WDFY4: variants seen among roughly 807,000 people sequenced by gnomAD.
The protein encoded by WDFY4 is WD repeat- and FYVE domain-containing protein 4.
WDFY4 carries 169 observed loss-of-function variants against 351.9 expected under a neutral mutation model. The observed-to-expected ratio is 0.48, with a 90% confidence interval of 0.42 to 0.55. The LOEUF is 0.55. WDFY4 is among the 20% of genes least tolerant of loss of function. The pLI, the probability that WDFY4 is intolerant of heterozygous loss-of-function variation, is 0.00. For synonymous variants in WDFY4, 1,622 were observed against 1,574.6 expected (o/e 1.03, Z -0.71); for missense variants, 3,803 against 3,935.6 (o/e 0.97, Z 0.90).
intron 39 of WDFY4, among the ~76,000 whole-genome samples, chr10:48,845,826 A>C (rs1589740387): frequency 1.6e-5 from 1 of 62,048 alleles, no homozygotes; most frequent in Non-Finnish European, 3.2e-5. Context: ...TTGAATATAC[A>C]GTCTCTAAAG....
chr10:48,941,797 G>A lies in WDFY4; in HGVS notation c.7587-9G>A. 2 of 1,551,954 alleles carry A rather than the reference G, an allele frequency of 1.3e-6. No individual in the cohort carries two copies. The stretch of plus-strand genomic sequence containing the variant: ...TATTTAGTCACCACCTTGGTTTTCT[G>A]TCCCACAGGAGATACCCCGGCTCTG... On this transcript the variant is annotated splice_polypyrimidine_tract_variant and intron_variant, in intron 47 of 61. Coordinates refer to ENST00000325239, the MANE Select transcript of WDFY4 (RefSeq NM_001394531.1).
intron 30 of WDFY4, among the ~76,000 whole-genome samples, chr10:48,813,292 A>G (rs1317387321): frequency 6.6e-6 from 1 of 152,234 alleles, no homozygotes; most frequent in East Asian, 1.9e-4. Context: ...TGCTAATAGC[A>G]TTGTATATTA....
chr10:48,871,234 C>T (rs17011329), intron 40 of WDFY4, among the ~76,000 whole-genome samples: 15,182 of 152,090 alleles, frequency 0.1, 940 homozygotes, highest in Middle Eastern at 0.21. Flanking sequence ...TGTGCCTGGC[C>T]GGATATGTGT....
intron 47 of WDFY4, among the ~76,000 whole-genome samples, chr10:48,907,136 G>A (rs895346590): frequency 1.3e-5 from 2 of 152,118 alleles, no homozygotes; most frequent in African/African-American, 4.8e-5. Flanking sequence ...TTTTGTACAG[G>A]CATTTCTTTG....
chr10:48,959,952 G>A, intron 53 of WDFY4, 139 bp downstream of exon 53: 1 of 765,386 alleles, frequency 1.3e-6, no homozygotes, highest in Non-Finnish European at 2.1e-6. Flanking sequence ...GAAGGGATGG[G>A]GTCTATACCT....
intron 4 of WDFY4, among the ~76,000 whole-genome samples, chr10:48,722,854 C>T (rs540385091): frequency 3.9e-4 from 59 of 152,376 alleles, no homozygotes; most frequent in African/African-American, 1.2e-3. Context: ...CTCTTGGCCT[C>T]TGTCTGGCAG....
intron 39 of WDFY4, among the ~76,000 whole-genome samples, chr10:48,844,660 G>A (rs1200745015): frequency 1.3e-5 from 2 of 152,162 alleles, no homozygotes; most frequent in East Asian, 1.9e-4. Flanking sequence ...CCAGGTGCTT[G>A]TGTATCCACT....
At chr10:48,885,299 C>T (rs2070409507) in intron 43 of WDFY4, among the ~76,000 whole-genome samples, 1 of 152,196 alleles carries the variant, frequency 6.6e-6, no homozygotes, top group Non-Finnish European at 1.5e-5. Flanking sequence ...GCCCCAAATC[C>T]ATGAGTCCAA....
At chr10:48,966,932 C>T (rs1420458529) in intron 55 of WDFY4, 1 of 490,890 alleles carries the variant, frequency 2.0e-6, no homozygotes, top group East Asian at 3.4e-5. Context: ...CACATACACA[C>T]ACAGACACCT....
At chr10:48,713,227 C>T (rs1287936661) in intron 2 of WDFY4, among the ~76,000 whole-genome samples, 1 of 152,138 alleles carries the variant, frequency 6.6e-6, no homozygotes, top group Non-Finnish European at 1.5e-5. Context: ...GTGTGTGCCT[C>T]TCCTAAGTTG....
chr10:48,968,801 T>A (rs1392068368), intron 55 of WDFY4: 5 of 474,208 alleles, frequency 1.1e-5, no homozygotes, highest in African/African-American at 1.9e-5. Context: ...GCTCCCAGAG[T>A]GGAGCTGAGG....
intron 47 of WDFY4, among the ~76,000 whole-genome samples, chr10:48,929,630 A>C (rs753475157): frequency 6.6e-6 from 1 of 152,208 alleles, no homozygotes; most frequent in African/African-American, 2.4e-5. Context: ...TCTATACACT[A>C]ACGATTGCCC....
In WDFY4 at chr10:48,817,418, T is replaced by A. The variant is rs1326729070; in HGVS notation, c.5505+9T>A. ...CCCTGGGAGCCCAAAAGGTAGGACA[T>A]GCTGCTGTCCCACCCAGAGAGAGCA... is the stretch of plus-strand genomic sequence containing the variant. On this transcript the variant is annotated intron_variant, in intron 32 of 61. Coordinates refer to ENST00000325239, the MANE Select transcript of WDFY4 (RefSeq NM_001394531.1). 2.7e-5 allele frequency: 42 copies of A among 1,547,396 alleles called. No individual in the cohort carries two copies. The highest frequency in any genetic ancestry group is 3.5e-5 in the Non-Finnish European group (40 of 1,144,166).
At chr10:48,977,603 G>C (rs1338670001) in intron 59 of WDFY4, among the ~76,000 whole-genome samples, 1 of 152,256 alleles carries the variant, frequency 6.6e-6, no homozygotes, top group African/African-American at 2.4e-5. Context: ...GTGGGGTGTG[G>C]CCCACATCAG....
chr10:48,865,847 C>A (rs1371019918), intron 39 of WDFY4, among the ~76,000 whole-genome samples: 4 of 152,074 alleles, frequency 2.6e-5, no homozygotes, highest in Non-Finnish European at 5.9e-5. Context: ...CTAATCTAAG[C>A]TATTTAATTT....
chr10:48,974,823 T>C, intron 57 of WDFY4, 39 bp from the exon 58 acceptor site: 3 of 1,480,842 alleles, frequency 2.0e-6, no homozygotes, highest in Non-Finnish European at 2.7e-6. Flanking sequence ...GTAGCTGAAT[T>C]GAGGGTCCCT....
At chr10:48,800,851 GC>G in intron 24 of WDFY4, among the ~76,000 whole-genome samples, 1 of 151,374 alleles carries the variant, frequency 6.6e-6, no homozygotes, top group African/African-American at 2.4e-5. Context: ...TCCTGCCTCA[GC>G]CTCCCAAGTA....
In WDFY4 at chr10:48,774,661, G is replaced by A. The variant is rs1367184267; in HGVS notation, c.2757G>A (p.Pro919=). Residue 919 remains proline, a synonymous_variant, in exon 14 of 62, where the codon CCG becomes CCA. Transcript: ENST00000325239. The part of the protein sequence containing the change: ...FEKLASQAIE[P]DVLRQFLGLG... ...AGCTCGCTTCCCAGGCCATTGAACC[G>A]GATGTGCTAAGGTACCACATGCTGC... 23 of 1,551,588 alleles carry A rather than the reference G, an allele frequency of 1.5e-5. No individual in the cohort carries two copies. The East Asian group carries it at 2.4e-4, about 16-fold the overall frequency.
intron 43 of WDFY4, among the ~76,000 whole-genome samples, chr10:48,880,238 C>T (rs1020433413): frequency 6.6e-6 from 1 of 152,192 alleles, no homozygotes; most frequent in African/African-American, 2.4e-5. Context: ...AGTCCCAGCC[C>T]CGCCTCTTGC....
Sources: allele counts gnomAD v4.1 joint callset (sites outside exome capture counted in the v4.1 genomes callset), GRCh38; gene constraint gnomAD v4.1.1; transcripts MANE v1.5; gene names NCBI Gene and HGNC (gene_info 2026-07-23, HGNC 2026-07-21).